The following PRR5L variants were observed in gnomAD, a reference collection of about 807,000 sequenced individuals.
PRR5L encodes the protein proline-rich protein 5-like.
PRR5L carries 21 observed loss-of-function variants against 36.4 expected under a neutral mutation model. The observed-to-expected ratio is 0.58, with a 90% CI of 0.41 to 0.83. The LOEUF is 0.83. PRR5L is among the 40% of genes least tolerant of loss of function. PRR5L has a pLI of 0.00. For missense variants in PRR5L, 381 were observed against 473.3 expected (o/e 0.80, Z 1.81); for synonymous variants, 188 against 197.0 (o/e 0.95, Z 0.38).
chr11:36,323,788 T>C (rs1856635291), intron 1 of PRR5L, among the ~76,000 whole-genome samples: 1 of 152,218 alleles, frequency 6.6e-6, no homozygotes, highest in Admixed American at 6.5e-5. Context: ...GGAAAGCTGA[T>C]GCAGAAAGAT....
chr11:36,311,716 G>T (rs1329041744), intron 1 of PRR5L, among the ~76,000 whole-genome samples: 1 of 152,024 alleles, frequency 6.6e-6, no homozygotes, highest in African/African-American at 2.4e-5. Context: ...TGAATGTTTT[G>T]CTTTTTTACT....
At chr11:36,391,773 A>G (rs1857568212) in intron 1 of PRR5L, among the ~76,000 whole-genome samples, 1 of 152,248 alleles carries the variant, frequency 6.6e-6, no homozygotes, top group Admixed American at 6.5e-5. Context: ...TAATAATCAC[A>G]TCAGGGTAAA....
intron 1 of PRR5L, among the ~76,000 whole-genome samples, chr11:36,322,246 TTC>T (rs1478528660): frequency 2.0e-5 from 3 of 152,224 alleles, no homozygotes; most frequent in Non-Finnish European, 4.4e-5. Flanking sequence ...TCAGAAAATC[TTC>T]TGTGTGCCTG....
intron 3 of PRR5L, among the ~76,000 whole-genome samples, chr11:36,418,823 T>A (rs1202460204): frequency 6.6e-6 from 1 of 151,984 alleles, no homozygotes; most frequent in African/African-American, 2.4e-5. Context: ...AAATAATTAC[T>A]CCTACCCCAC....
chr11:36,379,283 A>ATGTGTCTG (rs1464943962), intron 1 of PRR5L: 4 of 152,212 alleles, frequency 2.6e-5, no homozygotes, highest in African/African-American at 9.7e-5. Flanking sequence ...GTAGGTATGC[A>ATGTGTCTG]TGTGTCTGTT....
chr11:36,342,245 C>T (rs139808590), intron 1 of PRR5L, among the ~76,000 whole-genome samples: 1 of 152,214 alleles, frequency 6.6e-6, no homozygotes, highest in African/African-American at 2.4e-5. Flanking sequence ...TTCTATAAAC[C>T]GTATTATTAT....
chr11:36,312,349 T>C (rs1856512248), intron 1 of PRR5L, among the ~76,000 whole-genome samples: 2 of 152,232 alleles, frequency 1.3e-5, no homozygotes, highest in Non-Finnish European at 2.9e-5. Context: ...AAAGTACAAA[T>C]GGGAGAACAG....
At chr11:36,404,725 G>A (rs1293094334) in intron 3 of PRR5L, among the ~76,000 whole-genome samples, 2 of 152,156 alleles carry the variant, frequency 1.3e-5, no homozygotes, top group African/African-American at 2.4e-5. Context: ...TAAGGTCATT[G>A]AGGTGTTTTA....
intron 1 of PRR5L, among the ~76,000 whole-genome samples, chr11:36,336,800 C>T (rs1856773323): frequency 1.3e-5 from 2 of 151,902 alleles, no homozygotes; most frequent in Admixed American, 6.6e-5. Context: ...ACCTATGTAC[C>T]ATAGTTTTCT....
chr11:36,312,967 T>G (rs1281739945), intron 1 of PRR5L, among the ~76,000 whole-genome samples: 2 of 152,218 alleles, frequency 1.3e-5, no homozygotes, highest in Admixed American at 6.5e-5. Context: ...GGGCTGAGTG[T>G]GGGGGTCTCC....
chr11:36,451,785 G>A (rs537139250), intron 8 of PRR5L, among the ~76,000 whole-genome samples: 56 of 152,212 alleles, frequency 3.7e-4, no homozygotes, highest in Non-Finnish European at 7.4e-4. Context: ...AGATGTTATC[G>A]AGTTGCTGTC....
At chr11:36,421,951 T>C (rs1457509665) in intron 4 of PRR5L, among the ~76,000 whole-genome samples, 1 of 152,220 alleles carries the variant, frequency 6.6e-6, no homozygotes, top group Non-Finnish European at 1.5e-5. Flanking sequence ...TAACATTATT[T>C]TGTTGGCATT....
intron 3 of PRR5L, among the ~76,000 whole-genome samples, chr11:36,413,920 T>A (rs1418416647): frequency 5.1e-5 from 7 of 138,422 alleles, no homozygotes; most frequent in African/African-American, 1.9e-4. Context: ...TGTCCATGTG[T>A]TCTCATTGTT....
chr11:36,422,930 T>C (rs1322658740), intron 4 of PRR5L, among the ~76,000 whole-genome samples: 1 of 152,202 alleles, frequency 6.6e-6, no homozygotes, highest in East Asian at 1.9e-4. Flanking sequence ...TTTTTGAAAC[T>C]GATGATATGA....
chr11:36,368,036 A>G (rs910137923), intron 1 of PRR5L, among the ~76,000 whole-genome samples: 3 of 152,024 alleles, frequency 2.0e-5, no homozygotes, highest in African/African-American at 7.2e-5. Context: ...GAGTGGGTGT[A>G]AATAGGAAAT....
intron 1 of PRR5L, among the ~76,000 whole-genome samples, chr11:36,314,944 T>G (rs1185720561): frequency 1.3e-5 from 2 of 152,224 alleles, no homozygotes; most frequent in African/African-American, 4.8e-5. Flanking sequence ...AAATCATGAT[T>G]GCAAAACATA....
intron 7 of PRR5L, among the ~76,000 whole-genome samples, chr11:36,448,446 G>A (rs754129388): frequency 3.9e-4 from 60 of 152,068 alleles, no homozygotes; most frequent in African/African-American, 1.1e-3. Flanking sequence ...CCTGGCTGCC[G>A]TGGGATCTTT....
chr11:36,462,528 A>G lies in PRR5L; in HGVS notation c.899A>G (p.Gln300Arg). The G allele has an allele frequency of 6.2e-7, 1 of 1,608,816 alleles. No individual in the cohort carries two copies. The highest frequency in any genetic ancestry group is 1.1e-5 in the South Asian group (1 of 90,326). Reference protein sequence around the residue: ...HTVANAHSDIQLLAMATMMHS... With the variant: ...HTVANAHSDIRLLAMATMMHS... ...GTGGCCAATGCCCACTCGGACATCC[A>G]GCTGCTGGCCATGGCCACCATGATG... The change falls in exon 9 of 9, where the codon CAG (glutamine) becomes CGG (arginine). Residue 300 changes from glutamine to arginine, a missense_variant. Transcript: ENST00000530639.
In PRR5L at chr11:36,377,269, T is replaced by TG. The variant is rs1857282196; in HGVS notation, c.-125-23725dup. ...CACGCGCGCGCTCTGCGGACTAGGG[T>TG]GGGCCAGGGCCCAGCCAGTGGGGAT... On this transcript the variant is annotated intron_variant, in intron 1 of 8. Transcript: ENST00000530639. This position sits in a 1 kb window ranked among gnomAD's most constrained non-coding sequence, Gnocchi z 5.1. 6.6e-6 allele frequency among the ~76,000 whole-genome samples: 1 copy of TG among 152,070 alleles called. No individual in the cohort carries two copies. The highest frequency in any genetic ancestry group is 1.5e-5 in the Non-Finnish European group (1 of 67,992).
Sources: gnomAD v4.1 joint callset for allele counts (sites outside exome capture counted in the v4.1 genomes callset) on GRCh38, gnomAD v4.1.1 for gene constraint, Gnocchi (gnomAD v3.1) non-coding constraint, MANE v1.5 for transcripts, NCBI Gene and HGNC (gene_info 2026-07-23, HGNC 2026-07-21) for gene names.